NOS1: variants seen among roughly 807,000 people sequenced by gnomAD.
The protein encoded by NOS1 is nitric oxide synthase 1, also known as NOS type I.
NOS1 carries 51 observed loss-of-function variants against 164.5 expected under a neutral mutation model. That is an observed-to-expected ratio of 0.31 (90% CI 0.25 to 0.39). The LOEUF (loss-of-function observed/expected upper bound fraction) is 0.39, where lower values mean the gene tolerates loss of function less well. NOS1 is among the 10% of genes least tolerant of loss of function. The probability of loss-of-function intolerance (pLI) is 1.00; values close to 1 mark genes in which losing one functional copy is unlikely to be tolerated. For missense variants in NOS1, 1,362 were observed against 1,885.6 expected (o/e 0.72, Z 5.14); for synonymous variants, 719 against 745.8 (o/e 0.96, Z 0.59).
At chr12:117,260,822 TTTTA>T (rs1036896367) in intron 13 of NOS1, among the ~76,000 whole-genome samples, 7 of 99,666 alleles carry the variant, frequency 7.0e-5, no homozygotes, top group East Asian at 6.3e-4. Context: ...CTTTATTTTA[TTTTA>T]TTTTTTAACT....
Position 117,214,665 on chromosome 12 carries a change from G to A in NOS1, c.*644C>T, listed in dbSNP as rs1956575375. 1 of 985,236 alleles carries A rather than the reference G, an allele frequency of 1.0e-6. No individual in the cohort carries two copies. The highest frequency in any genetic ancestry group is 1.2e-6 in the Non-Finnish European group (1 of 829,940). The allele number at this position is 985,236 out of a possible 1,614,324, so 61.0% of individuals were successfully genotyped here. A position where few individuals can be genotyped will look rare whatever the true frequency, so the allele number is the denominator to read the frequency against. ...CCTTTCTAACTAGAACAATTATGGG[G>A]CTTCCAAATGTTTCAGGTACATGGG... On this transcript the variant is annotated 3_prime_UTR_variant, in exon 29 of 29. Transcript: ENST00000317775.
Position 117,212,993 on chromosome 12 carries a change from G to A in NOS1, c.*2316C>T. On this transcript the variant is annotated 3_prime_UTR_variant, in exon 29 of 29. Transcript: ENST00000317775. ...AAAAAAAATCTTTCTGGAGAAGAAG[G>A]ATGAATCCTGGTTTTATAATCATTT... 6 of 985,438 alleles carry A rather than the reference G, an allele frequency of 6.1e-6. No individual in the cohort carries two copies. The highest frequency in any genetic ancestry group is 4.7e-5 in the South Asian group (1 of 21,288). 61.0% of individuals were successfully genotyped at this position (985,438 alleles called of 1,614,324 possible). A position where few individuals can be genotyped will look rare whatever the true frequency, so the allele number is the denominator to read the frequency against.
rs1297993127 is a variant in NOS1 at position 117,354,045 on chromosome 12, G to A, written c.-421+7467C>T. Among the ~76,000 whole-genome samples the A allele has an allele frequency of 2.0e-5, 3 of 152,128 alleles. No individual in the cohort carries two copies. In the East Asian group the frequency reaches 5.8e-4, roughly 29 times the overall value. On this transcript the variant is annotated intron_variant, in intron 1 of 28. Coordinates refer to ENST00000317775, the MANE Select transcript of NOS1 (RefSeq NM_000620.5). ...CCCATTTTAGCCAAAAAAATATGTG[G>A]CTCTCAATGACTTCTTGCTGTTTCT...
At chr12:117,283,057 T>TATA (rs59524855) in intron 7 of NOS1, among the ~76,000 whole-genome samples, 797 of 32,048 alleles carry the variant, frequency 0.025, 5 homozygotes, top group African/African-American at 0.054. Context: ...TATATATATA[T>TATA]TTTTTTTTTT....
At chr12:117,249,763 T>C (rs994461709) in intron 17 of NOS1, among the ~76,000 whole-genome samples, 1 of 152,052 alleles carries the variant, frequency 6.6e-6, no homozygotes, top group African/African-American at 2.4e-5. Flanking sequence ...GGGGACACTT[T>C]GACTGAAGTA....
At chr12:117,304,270 A>C (rs1266495566) in intron 3 of NOS1, among the ~76,000 whole-genome samples, 1 of 152,162 alleles carries the variant, frequency 6.6e-6, no homozygotes, top group East Asian at 1.9e-4. Context: ...AAAAAATAAA[A>C]AGCAACATAT....
chr12:117,229,562 T>TCTATCTATCTA (rs71444611), intron 22 of NOS1, among the ~76,000 whole-genome samples: 2 of 149,402 alleles, frequency 1.3e-5, no homozygotes, highest in East Asian at 2.0e-4. Context: ...TATCAAATTC[T>TCTATCTATCTA]TCTATCTATC....
chr12:117,218,901 T>A (rs1214399659), intron 27 of NOS1, among the ~76,000 whole-genome samples: 2 of 151,728 alleles, frequency 1.3e-5, no homozygotes, highest in Non-Finnish European at 2.9e-5. Context: ...AGTGTGCGTC[T>A]GGCAAGGCAG....
At chr12:117,287,406 C>T (rs1035887770) in intron 5 of NOS1, among the ~76,000 whole-genome samples, 1 of 151,918 alleles carries the variant, frequency 6.6e-6, no homozygotes, top group African/African-American at 2.4e-5. Context: ...ATAACTTACC[C>T]ATTCTCCTGT....
At chr12:117,346,245 C>T (rs1053084697) in intron 1 of NOS1, among the ~76,000 whole-genome samples, 6 of 152,114 alleles carry the variant, frequency 3.9e-5, no homozygotes, top group Non-Finnish European at 7.4e-5. Context: ...CTGAGGCGAG[C>T]GGATCACCTG....
At chr12:117,334,364 G>T (rs1875698813) in intron 1 of NOS1, among the ~76,000 whole-genome samples, 2 of 152,078 alleles carry the variant, frequency 1.3e-5, no homozygotes, top group African/African-American at 4.8e-5. Flanking sequence ...AGAGAGGGAG[G>T]GAGACAGCAA....
intron 13 of NOS1, 53 bp downstream of exon 13, chr12:117,263,836 T>C (rs1872138351): frequency 7.3e-7 from 1 of 1,364,216 alleles, no homozygotes; most frequent in East Asian, 2.3e-5. Flanking sequence ...CTTCTCTGGG[T>C]TCTCTGAGTT....
chr12:117,235,196 G>A (rs1006550196), intron 20 of NOS1, among the ~76,000 whole-genome samples: 1 of 152,056 alleles, frequency 6.6e-6, no homozygotes, highest in African/African-American at 2.4e-5. Flanking sequence ...AGGATTACAA[G>A]TAAGGGCCAC....
At chr12:117,297,245 C>T (rs1188869624) in intron 3 of NOS1, among the ~76,000 whole-genome samples, 1 of 152,056 alleles carries the variant, frequency 6.6e-6, no homozygotes, top group African/African-American at 2.4e-5. Context: ...CCAGGAGTAG[C>T]CATGGGGTTG....
chr12:117,220,162 A>G lies in NOS1; in HGVS notation c.4083T>C (p.Ala1361=). 1.9e-6 allele frequency: 3 copies of G among 1,614,044 alleles called. No homozygotes were observed. In the South Asian group the frequency reaches 3.3e-5, roughly 18 times the overall value. Residue 1361 remains alanine, a synonymous_variant, in exon 27 of 29, where the codon GCT becomes GCC. Coordinates refer to ENST00000317775, the MANE Select transcript of NOS1 (RefSeq NM_000620.5). ...IYVCGDVTMA[A]DVLKAIQRIM... is the part of the protein sequence containing the mutation. ...TGCGCTGGATGGCTTTGAGGACATC[A>G]GCAGCCATGGTGACGTCCCCACAGA...
At chr12:117,332,314 A>T (rs1439222529) in intron 1 of NOS1, among the ~76,000 whole-genome samples, 1 of 152,242 alleles carries the variant, frequency 6.6e-6, no homozygotes, top group Non-Finnish European at 1.5e-5. Flanking sequence ...CCTCAAGAGA[A>T]GAGGAAAGGG....
At chr12:117,299,395 T>C (rs2136039619) in intron 3 of NOS1, among the ~76,000 whole-genome samples, 1 of 152,162 alleles carries the variant, frequency 6.6e-6, no homozygotes, top group South Asian at 2.1e-4. Flanking sequence ...TCCCAGCACT[T>C]TGGGAGGCCG....
intron 20 of NOS1, among the ~76,000 whole-genome samples, chr12:117,238,477 A>T (rs1285102449): frequency 1.3e-5 from 2 of 151,594 alleles, no homozygotes; most frequent in African/African-American, 4.9e-5. Flanking sequence ...TTTCTCCAGG[A>T]CCCCTCTGTG....
At chr12:117,291,481 A>G (rs1460824837) in intron 3 of NOS1, among the ~76,000 whole-genome samples, 5 of 146,498 alleles carry the variant, frequency 3.4e-5, no homozygotes, top group African/African-American at 1.3e-4. Flanking sequence ...CAGGCTGACC[A>G]GTGTTGGCCC....
Sources: gnomAD v4.1 joint callset for allele counts (sites outside exome capture counted in the v4.1 genomes callset) on GRCh38, gnomAD v4.1.1 for gene constraint, MANE v1.5 for transcripts, NCBI Gene and HGNC (gene_info 2026-07-23, HGNC 2026-07-21) for gene names.